Variants in PCNT observed in about 807,000 individuals in gnomAD.
PCNT encodes kendrin.
A neutral mutation model predicts 380.4 loss-of-function variants in PCNT; 319 were observed. That is an observed-to-expected ratio of 0.84 (90% CI 0.77 to 0.92). The LOEUF (loss-of-function observed/expected upper bound fraction) is 0.92, where lower values mean the gene tolerates loss of function less well. Among genes scored for constraint, PCNT ranks in the 40% least tolerant of loss-of-function variants. PCNT has a pLI of 0.00. For synonymous variants in PCNT, 1,845 were observed against 1,735.2 expected, an observed-to-expected ratio of 1.06 and a Z score of -1.57; for missense variants, 4,400 against 4,255.3, an observed-to-expected ratio of 1.03 and a Z score of -0.95.
chr21:46,387,447 C>T (rs900730924), intron 17 of PCNT, among the ~76,000 whole-genome samples: 1 of 151,868 alleles, frequency 6.6e-6, no homozygotes, highest in Non-Finnish European at 1.5e-5. Flanking sequence ...GGGTGGTGGG[C>T]GGGGTAGTCC....
intron 13 of PCNT, 46 bp downstream of exon 13, chr21:46,357,237 C>A: frequency 7.6e-7 from 1 of 1,324,040 alleles, no homozygotes; most frequent in Non-Finnish European, 1.1e-6. Flanking sequence ...CGAGTCCTTG[C>A]TCTCTTCCAC....
Position 46,436,107 on chromosome 21 carries a change from C to A in PCNT, c.8955C>A (p.Ala2985=), listed in dbSNP as rs368445228. The change falls in exon 39 of 47, where the codon GCC becomes GCA. Residue 2985 remains alanine, a synonymous_variant. Transcript: ENST00000359568. ...LEAMRQRLLS[A]ARLLTSFTSQ... is the part of the protein sequence containing the mutation. The stretch of plus-strand genomic sequence containing the variant: ...CGATGAGGCAGCGGCTGCTCTCTGC[C>A]GCCCGGCTTCTCACCAGCTTCACCA... 1.2e-6 allele frequency: 2 copies of A among 1,610,590 alleles called. No individual in the cohort carries two copies. The highest frequency in any genetic ancestry group is 1.7e-6 in the Non-Finnish European group (2 of 1,179,830).
At chr21:46,418,395 G>A in intron 31 of PCNT, 89 bp downstream of exon 31, 1 of 841,638 alleles carries the variant, frequency 1.2e-6, no homozygotes, top group Non-Finnish European at 2.0e-6. Context: ...CCTTTGCCTG[G>A]TTCTGCGTCT....
chr21:46,348,354 G>T (rs1228831388), intron 6 of PCNT: 1 of 167,552 alleles, frequency 6.0e-6, no homozygotes. Context: ...TTGTGCAGAT[G>T]CAGGTCTGTT....
intron 14 of PCNT, 83 bp downstream of exon 14, chr21:46,364,017 G>C: frequency 7.9e-7 from 1 of 1,266,970 alleles, no homozygotes; most frequent in South Asian, 1.2e-5. Flanking sequence ...CCTGGGAGGA[G>C]GCGCTGTGGG....
chr21:46,405,928 C>CGTA (rs1405976203), intron 27 of PCNT, among the ~76,000 whole-genome samples: 1 of 152,130 alleles, frequency 6.6e-6, no homozygotes, highest in African/African-American at 2.4e-5. Context: ...TGTGCAAATT[C>CGTA]GTACATCCTT....
intron 35 of PCNT, among the ~76,000 whole-genome samples, chr21:46,429,407 G>C (rs1413734091): frequency 5.5e-5 from 8 of 146,016 alleles, no homozygotes; most frequent in Non-Finnish European, 1.1e-4. Context: ...CTCGTGAGGG[G>C]CATGGGGGGG....
chr21:46,430,732 TC>T, intron 37 of PCNT, 75 bp downstream of exon 37: 1 of 1,540,296 alleles, frequency 6.5e-7, no homozygotes, highest in Non-Finnish European at 8.7e-7. Context: ...TCCTCTTTCA[TC>T]CTTCTTTTCC....
At chr21:46,333,438 G>C (rs940536695) in intron 2 of PCNT, among the ~76,000 whole-genome samples, 1 of 146,630 alleles carries the variant, frequency 6.8e-6, no homozygotes, top group African/African-American at 2.5e-5. Context: ...TCTCAAAAAA[G>C]ACAAAAAAGA....
rs1259262322 is a variant in PCNT, at chr21:46,411,438, C to T, written c.5365C>T (p.Gln1789Ter). Reference protein sequence around the residue: ...QAGGPRGQALQGELEAALEAK... With the variant: ...QAGGPRGQAL ...CGGGGGCCCTCGTGGGCAGGCCCTA[C>T]AGGGCGAGCTCGAGGCTGCGCTGGA... The change falls in exon 28 of 47, where the codon CAG becomes TAG. Residue 1789 changes from glutamine to a stop codon, truncating the protein, a stop_gained. Coordinates refer to ENST00000359568, the MANE Select transcript of PCNT (RefSeq NM_006031.6). LOFTEE classifies it high-confidence loss of function. 2 of 1,612,164 alleles carry T rather than the reference C, an allele frequency of 1.2e-6. No individual in the cohort carries two copies. Among genetic ancestry groups the T allele is most frequent in the Non-Finnish European group, 1.7e-6 (2 of 1,179,672 alleles).
intron 16 of PCNT, among the ~76,000 whole-genome samples, chr21:46,382,867 GTGT>G (rs1352756657): frequency 6.1e-5 from 8 of 130,288 alleles, no homozygotes; most frequent in Non-Finnish European, 9.2e-5. Context: ...CCCATTCATG[GTGT>G]TGTGCATTCA....
At chr21:46,404,022 G>A (rs1462703351) in intron 27 of PCNT, among the ~76,000 whole-genome samples, 15 of 132,116 alleles carry the variant, frequency 1.1e-4, no homozygotes, top group African/African-American at 5.1e-4. Flanking sequence ...TGGGAGAATT[G>A]TGTGTGTGTG....
Position 46,346,148 on chromosome 21 carries a change from A to G in PCNT, c.660A>G (p.Glu220=). ...MFTKECEQEC[E]LAITDLESGR... Reference sequence around the variant, plus strand: ...CCCAGGAGTGTGAACAAGAATGTGAACTTGCCATTACTGACCTGGAGAGCG... The same window carrying G: ...CCCAGGAGTGTGAACAAGAATGTGAGCTTGCCATTACTGACCTGGAGAGCG... The change falls in exon 4 of 47, where the codon GAA becomes GAG. Residue 220 remains glutamate, a synonymous_variant. Coordinates refer to ENST00000359568, the MANE Select transcript of PCNT (RefSeq NM_006031.6). 6.2e-7 allele frequency: 1 copy of G among 1,614,156 alleles called. No individual in the cohort carries two copies. The highest frequency in any genetic ancestry group is 8.5e-7 in the Non-Finnish European group (1 of 1,180,016).
chr21:46,353,004 G>T, intron 9 of PCNT, 100 bp from the exon 10 acceptor site: 1 of 958,024 alleles, frequency 1.0e-6, no homozygotes, highest in East Asian at 2.5e-5. Flanking sequence ...GCCCTTTTCC[G>T]AGTTCTGCCC....
intron 45 of PCNT, among the ~76,000 whole-genome samples, chr21:46,444,150 C>G (rs111769282): frequency 2.0e-5 from 3 of 152,304 alleles, no homozygotes; most frequent in South Asian, 2.1e-4. Flanking sequence ...CTCTGGTGCC[C>G]GAGAGCCCGG....
At chr21:46,427,121 C>T (rs2087542048) in intron 33 of PCNT, among the ~76,000 whole-genome samples, 1 of 152,208 alleles carries the variant, frequency 6.6e-6, no homozygotes, top group African/African-American at 2.4e-5. Context: ...GAAGGCACAG[C>T]AGCAGGAAAA....
At chr21:46,414,054 C>T (rs1334847125) in intron 29 of PCNT, among the ~76,000 whole-genome samples, 1 of 151,240 alleles carries the variant, frequency 6.6e-6, no homozygotes, top group African/African-American at 2.4e-5. Context: ...TGCAGTGGCA[C>T]GATCTCAGCT....
rs754472092 is a variant in PCNT, at chr21:46,366,677, G to A, written c.2703G>A (p.Leu901=). ...QEAQEQHARE[L]QLLQERHQQQ... ...CCCAGGAGCAGCATGCCCGTGAGCT[G>A]CAGCTCCTCCAGGAGAGACACCAGC... The change falls in exon 15 of 47, where the codon CTG becomes CTA. Residue 901 remains leucine, a synonymous_variant. Transcript: ENST00000359568. 1 of 1,613,928 alleles carries A rather than the reference G, an allele frequency of 6.2e-7. No individual in the cohort carries two copies. Among genetic ancestry groups the A allele is most frequent in the Non-Finnish European group, 8.5e-7 (1 of 1,180,040 alleles).
At chr21:46,324,816 GGC>G in intron 1 of PCNT, 7 of 917,064 alleles carry the variant, frequency 7.6e-6, no homozygotes, top group Non-Finnish European at 7.8e-6. Context: ...TGGCGCGGGT[GGC>G]CTGCAGCGCC....
Sources: allele counts gnomAD v4.1 joint callset (sites outside exome capture counted in the v4.1 genomes callset), GRCh38; gene constraint gnomAD v4.1.1; transcripts MANE v1.5; gene names NCBI Gene and HGNC (gene_info 2026-07-23, HGNC 2026-07-21).